TFEC: variants seen among roughly 807,000 people sequenced by gnomAD.
TFEC encodes the protein class E basic helix-loop-helix protein 34.
In TFEC, 31 loss-of-function variants were observed where a neutral mutation model predicts 41.6. That is an observed-to-expected ratio of 0.74 (90% CI 0.56 to 1.01). The LOEUF (loss-of-function observed/expected upper bound fraction) is 1.01, where lower values mean the gene tolerates loss of function less well. TFEC is among the 50% of genes least tolerant of loss of function. The pLI is 0.00. For synonymous variants in TFEC, 143 were observed against 140.6 expected (o/e 1.02, Z -0.12); for missense variants, 402 against 404.1 (o/e 0.99, Z 0.04).
At chr7:115,950,514 T>C (rs1453543695) in intron 6 of TFEC, among the ~76,000 whole-genome samples, 2 of 152,136 alleles carry the variant, frequency 1.3e-5, no homozygotes, top group Non-Finnish European at 2.9e-5. Context: ...ACACAAATTT[T>C]AAATTGGAAG....
At chr7:116,092,461 T>C (rs1442794575) in intron 3 of TFEC, among the ~76,000 whole-genome samples, 1 of 149,634 alleles carries the variant, frequency 6.7e-6, no homozygotes, top group Non-Finnish European at 1.5e-5. Context: ...ATAAATATGT[T>C]ACCTGAGGCA....
intron 3 of TFEC, among the ~76,000 whole-genome samples, chr7:116,081,621 T>G (rs1797092540): frequency 6.6e-6 from 1 of 152,040 alleles, no homozygotes; most frequent in Non-Finnish European, 1.5e-5. Flanking sequence ...ACACTCGTCT[T>G]CCTAAAGCAT....
intron 3 of TFEC, among the ~76,000 whole-genome samples, chr7:115,959,073 C>A (rs1000268894): frequency 4.0e-5 from 6 of 151,734 alleles, no homozygotes; most frequent in African/African-American, 1.5e-4. Flanking sequence ...TTTTGTAGAT[C>A]AGTAGGCAAA....
At chr7:115,985,475 T>C (rs1345165012) in intron 1 of TFEC, among the ~76,000 whole-genome samples, 2 of 152,154 alleles carry the variant, frequency 1.3e-5, no homozygotes, top group South Asian at 4.1e-4. Context: ...ATTTCCCTCA[T>C]GTTAAACAAT....
At chr7:116,010,080 T>C (rs1794942928) in intron 1 of TFEC, among the ~76,000 whole-genome samples, 1 of 152,092 alleles carries the variant, frequency 6.6e-6, no homozygotes, top group African/African-American at 2.4e-5. Flanking sequence ...GCAAAGATCC[T>C]GTGGTGAAAG....
intron 3 of TFEC, among the ~76,000 whole-genome samples, chr7:116,088,690 G>T (rs1406407896): frequency 1.3e-5 from 2 of 151,742 alleles, no homozygotes; most frequent in African/African-American, 4.8e-5. Flanking sequence ...CTTATGATTA[G>T]GTTTTTTAAC....
At chr7:115,944,081 A>T (rs934431440) in intron 6 of TFEC, among the ~76,000 whole-genome samples, 2 of 101,270 alleles carry the variant, frequency 2.0e-5, no homozygotes, top group South Asian at 3.5e-4. Flanking sequence ...AAGTTTTGTC[A>T]GGTCTCGTAT....
intron 2 of TFEC, among the ~76,000 whole-genome samples, chr7:115,978,663 TTTG>T (rs1345332557): frequency 2.6e-5 from 4 of 152,116 alleles, no homozygotes; most frequent in African/African-American, 7.2e-5. Flanking sequence ...TGACATCCCT[TTTG>T]TTGTTATTTT....
At chr7:116,016,647 T>C (rs978523440) in intron 1 of TFEC, among the ~76,000 whole-genome samples, 9 of 152,010 alleles carry the variant, frequency 5.9e-5, no homozygotes, top group Admixed American at 6.6e-5. Flanking sequence ...CTCTGGAATT[T>C]TCACATTTTT....
chr7:116,074,463 T>A lies in TFEC; in HGVS notation c.198+36245A>T, dbSNP rs114282553. 4.3e-3 allele frequency among the ~76,000 whole-genome samples: 662 copies of A among 152,196 alleles called. 4 individuals are homozygous for A. Among genetic ancestry groups the A allele is most frequent in the African/African-American group, 0.015 (624 of 41,548 alleles). On this transcript the variant is annotated intron_variant, in intron 3 of 8. Coordinates refer to the TFEC transcript ENST00000484212. The stretch of plus-strand genomic sequence containing the variant: ...TGGGCAAAGGATCTGATTAGACACT[T>A]CTTCAAAGAAGTTATAGAAATAGCC...
intron 1 of TFEC, among the ~76,000 whole-genome samples, chr7:116,137,777 T>C (rs1023733356): frequency 1.3e-5 from 2 of 152,130 alleles, no homozygotes; most frequent in Admixed American, 1.3e-4. Flanking sequence ...CCTATCAATT[T>C]ATAAAATTTG....
At chr7:116,143,702 T>C (rs1798586220) in intron 1 of TFEC, among the ~76,000 whole-genome samples, 1 of 151,968 alleles carries the variant, frequency 6.6e-6, no homozygotes, top group Admixed American at 6.6e-5. Flanking sequence ...CTGGGAAGAG[T>C]CAGAGAAGTG....
intron 3 of TFEC, among the ~76,000 whole-genome samples, chr7:116,103,666 G>GAC (rs1368706558): frequency 1.3e-5 from 2 of 152,128 alleles, no homozygotes; most frequent in African/African-American, 4.8e-5. Context: ...AACACGTAGA[G>GAC]ACACGGTTAT....
intron 1 of TFEC, among the ~76,000 whole-genome samples, chr7:116,118,793 G>A (rs1419252862): frequency 6.6e-6 from 1 of 151,822 alleles, no homozygotes; most frequent in Non-Finnish European, 1.5e-5. Context: ...AGCGCTGGGA[G>A]GCACATCTGT....
chr7:115,991,523 G>A (rs1341407606), intron 1 of TFEC, among the ~76,000 whole-genome samples: 5 of 152,112 alleles, frequency 3.3e-5, no homozygotes, highest in Non-Finnish European at 7.3e-5. Flanking sequence ...ATAAAGGAAT[G>A]GAGGAAGATC....
intron 3 of TFEC, among the ~76,000 whole-genome samples, chr7:116,038,008 C>A (rs982136909): frequency 6.6e-6 from 1 of 151,952 alleles, no homozygotes; most frequent in Admixed American, 6.6e-5. Flanking sequence ...CAATATCTCA[C>A]CAGTCAGCAG....
intron 3 of TFEC, among the ~76,000 whole-genome samples, chr7:116,044,379 C>A (rs1796112864): frequency 1.3e-5 from 2 of 152,040 alleles, no homozygotes; most frequent in South Asian, 4.1e-4. Context: ...TAACAATAAA[C>A]CTTTTTATAT....
intron 1 of TFEC, among the ~76,000 whole-genome samples, chr7:116,144,043 C>T (rs962916047): frequency 1.3e-5 from 2 of 152,144 alleles, no homozygotes; most frequent in South Asian, 2.1e-4. Context: ...CATGGTGAAA[C>T]GCTGTCTCTA....
chr7:115,989,377 C>G (rs1017869984), intron 1 of TFEC, among the ~76,000 whole-genome samples: 9 of 152,174 alleles, frequency 5.9e-5, no homozygotes, highest in Non-Finnish European at 1.2e-4. Context: ...TGAGGTACCA[C>G]GTTCATCTCA....
Sources: gnomAD v4.1 joint callset for allele counts (sites outside exome capture counted in the v4.1 genomes callset) on GRCh38, gnomAD v4.1.1 for gene constraint, MANE v1.5 for transcripts, NCBI Gene and HGNC (gene_info 2026-07-23, HGNC 2026-07-21) for gene names.